MMP20: variants seen among roughly 807,000 people sequenced by gnomAD.
The protein encoded by MMP20 is matrix metallopeptidase 20.
In MMP20, 50 loss-of-function variants were observed where a neutral mutation model predicts 51.8. The observed-to-expected ratio is 0.97, with a 90% CI of 0.77 to 1.22. MMP20 has a LOEUF of 1.22. Among genes scored for constraint, MMP20 ranks in the 50% most tolerant of loss-of-function variants. MMP20 has a pLI of 0.00. For missense variants in MMP20, 663 were observed against 601.4 expected, an observed-to-expected ratio of 1.10 and a Z score of -1.07; for synonymous variants, 244 against 216.2, an observed-to-expected ratio of 1.13 and a Z score of -1.13.
At chr11:102,590,272 G>A (rs1271888644) in intron 8 of MMP20, among the ~76,000 whole-genome samples, 1 of 152,190 alleles carries the variant, frequency 6.6e-6, no homozygotes, top group Non-Finnish European at 1.5e-5. Flanking sequence ...AAAGAGAATA[G>A]GAAGGAATAA....
At chr11:102,617,682 G>T (rs1447741044) in intron 1 of MMP20, among the ~76,000 whole-genome samples, 1 of 152,112 alleles carries the variant, frequency 6.6e-6, no homozygotes, top group Non-Finnish European at 1.5e-5. Context: ...TCCTAGGCAA[G>T]GCTCTTTGTC....
intron 1 of MMP20, among the ~76,000 whole-genome samples, chr11:102,624,088 T>G (rs1859785430): frequency 6.6e-6 from 1 of 152,216 alleles, no homozygotes. Context: ...GCCGGGGAAC[T>G]GACCAGTTAA....
chr11:102,612,856 C>G (rs1859620871), intron 2 of MMP20, among the ~76,000 whole-genome samples: 1 of 151,560 alleles, frequency 6.6e-6, no homozygotes, highest in Non-Finnish European at 1.5e-5. Context: ...CCTGCCTCAG[C>G]CTCCTGAGTA....
rs1318119599 is a variant in MMP20, at chr11:102,609,888, G to A, written c.649+17C>T. 6.2e-7 allele frequency: 1 copy of A among 1,614,060 alleles called. No individual in the cohort carries two copies. The highest frequency in any genetic ancestry group is 1.7e-5 in the Admixed American group (1 of 60,014). ...GGTACAATATTTTCCAGGTTATGGT[G>A]AATTGTGCATATATACCATTCGTTC... is the stretch of plus-strand genomic sequence containing the variant. On this transcript the variant is annotated intron_variant, in intron 4 of 9. Coordinates refer to ENST00000260228, the MANE Select transcript of MMP20 (RefSeq NM_004771.4).
At position 102,618,825 on chromosome 11, in the gene MMP20, C is replaced by T. The variant is rs372561321; in HGVS notation, c.127-1766G>A. Among the ~76,000 whole-genome samples the T allele has an allele frequency of 3.9e-5, 6 of 152,156 alleles. No homozygotes were observed. The South Asian group carries it at 1.2e-3, about 32-fold the overall frequency. On this transcript the variant is annotated intron_variant, in intron 1 of 9. Transcript: ENST00000260228. ...AAAAGTTTTTACAATGAGCATGAAC[C>T]ATTACTGCTGGGGAAAAAATAAAAA...
chr11:102,609,278 C>T (rs1859562449), intron 4 of MMP20, among the ~76,000 whole-genome samples, 180 bp from the exon 5 acceptor site: 1 of 152,144 alleles, frequency 6.6e-6, no homozygotes, highest in African/African-American at 2.4e-5. Flanking sequence ...AATTCTTCCC[C>T]CCTTGGCTAG....
At chr11:102,596,450 T>G (rs1025305010) in intron 6 of MMP20, among the ~76,000 whole-genome samples, 1 of 152,168 alleles carries the variant, frequency 6.6e-6, no homozygotes, top group African/African-American at 2.4e-5. Context: ...CATGAGACCA[T>G]TATAAGGATA....
At chr11:102,617,091 A>C in intron 1 of MMP20, 32 bp from the exon 2 acceptor site, 1 of 1,613,956 alleles carries the variant, frequency 6.2e-7, no homozygotes, top group Non-Finnish European at 8.5e-7. Context: ...ACGCGTCTAC[A>C]GCGTAGTCTG....
chr11:102,611,653 G>A, intron 3 of MMP20, 102 bp downstream of exon 3: 1 of 1,427,406 alleles, frequency 7.0e-7, no homozygotes, highest in South Asian at 1.2e-5. Context: ...ACAGCACTGT[G>A]CGAAGGAGGA....
intron 7 of MMP20, 94 bp downstream of exon 7, chr11:102,594,527 T>C: frequency 6.6e-7 from 1 of 1,525,318 alleles, no homozygotes; most frequent in Non-Finnish European, 9.0e-7. Flanking sequence ...ATGTGCTCCA[T>C]GATGACTGGA....
At chr11:102,603,432 T>C (rs1784433) in intron 6 of MMP20, among the ~76,000 whole-genome samples, 76,633 of 151,932 alleles carry the variant, frequency 0.5, 19,821 homozygotes, top group South Asian at 0.64. Flanking sequence ...GGGGCACGGA[T>C]TCTGAAGTTT....
intron 6 of MMP20, 59 bp downstream of exon 6, chr11:102,606,476 C>T (rs924552952): frequency 9.9e-6 from 16 of 1,609,330 alleles, no homozygotes; most frequent in African/African-American, 6.7e-5. Context: ...TGTGGGACGA[C>T]GTTTGTCTGG....
At chr11:102,609,837 A>G (rs1859572520) in intron 4 of MMP20, 68 bp downstream of exon 4, 5 of 1,609,108 alleles carry the variant, frequency 3.1e-6, no homozygotes, top group Admixed American at 1.7e-5. Context: ...TTGAACCTCA[A>G]GGTTTCATGA....
chr11:102,619,527 A>G (rs1042979995), intron 1 of MMP20, among the ~76,000 whole-genome samples: 52 of 152,266 alleles, frequency 3.4e-4, no homozygotes, highest in African/African-American at 1.1e-3. Flanking sequence ...GGTTACCAAA[A>G]ACTCCGTAAT....
rs548433956 is a variant in MMP20, at chr11:102,623,492, C to G, written c.126+1702G>C. On this transcript the variant is annotated intron_variant, in intron 1 of 9. Coordinates refer to ENST00000260228, the MANE Select transcript of MMP20 (RefSeq NM_004771.4). ...TTATGCCTGATGATCTGAGGTGGAA[C>G]AGTTTCGTCCCAAAACCATCACCCC... Among the ~76,000 whole-genome samples, 7 of 152,336 alleles carry G rather than the reference C, an allele frequency of 4.6e-5. No homozygotes were observed. The South Asian group carries it at 1.5e-3, about 32-fold the overall frequency.
chr11:102,595,410 C>T (rs993546352), intron 6 of MMP20, among the ~76,000 whole-genome samples: 4 of 151,298 alleles, frequency 2.6e-5, no homozygotes, highest in Admixed American at 6.6e-5. Flanking sequence ...AAGCTATGCA[C>T]CCCCCCATTC....
At chr11:102,609,835 C>T in intron 4 of MMP20, 70 bp downstream of exon 4, 1 of 1,609,106 alleles carries the variant, frequency 6.2e-7, no homozygotes, top group Non-Finnish European at 8.5e-7. Context: ...CGTTGAACCT[C>T]AAGGTTTCAT....
chr11:102,577,165 A>C lies in MMP20; in HGVS notation c.*161T>G. On this transcript the variant is annotated 3_prime_UTR_variant, in exon 10 of 10. Coordinates refer to ENST00000260228, the MANE Select transcript of MMP20 (RefSeq NM_004771.4). ...TGTGGATTGAAATTCTGATTATACAACTATGAAAAAAATTGGAAGTATTAT... is the reference window on the plus strand; with the variant it reads ...TGTGGATTGAAATTCTGATTATACACCTATGAAAAAAATTGGAAGTATTAT... The C allele has an allele frequency of 1.6e-6, 1 of 623,998 alleles. No individual in the cohort carries two copies. Among genetic ancestry groups the C allele is most frequent in the Non-Finnish European group, 2.9e-6 (1 of 350,850 alleles). The allele number at this position is 623,998 out of a possible 1,614,324, so 38.7% of individuals were successfully genotyped here.
intron 6 of MMP20, among the ~76,000 whole-genome samples, chr11:102,598,679 C>A (rs931045494): frequency 6.6e-6 from 1 of 152,206 alleles, no homozygotes; most frequent in African/African-American, 2.4e-5. Flanking sequence ...TTGCTAGTTC[C>A]TTGAATTCCT....
Sources: gnomAD v4.1 joint callset for allele counts (sites outside exome capture counted in the v4.1 genomes callset) on GRCh38, gnomAD v4.1.1 for gene constraint, MANE v1.5 for transcripts, NCBI Gene and HGNC (gene_info 2026-07-23, HGNC 2026-07-21) for gene names.